TBC1D5: variants seen among roughly 807,000 people sequenced by gnomAD.
The protein encoded by TBC1D5 is TBC1 domain family member 5, also known as TBC1 domain family, member 5.
TBC1D5 carries 75 observed loss-of-function variants against 100.3 expected under a neutral mutation model. That is an observed-to-expected ratio of 0.75 (90% CI 0.62 to 0.91). The LOEUF (loss-of-function observed/expected upper bound fraction) is 0.91. TBC1D5 is among the 40% of genes least tolerant of loss of function. The pLI is 0.00. For synonymous variants in TBC1D5, 323 were observed against 325.6 expected (o/e 0.99, Z 0.09); for missense variants, 910 against 942.4 (o/e 0.97, Z 0.45).
At chr3:17,606,354 T>C (rs961875708) in intron 2 of TBC1D5, among the ~76,000 whole-genome samples, 6 of 151,978 alleles carry the variant, frequency 3.9e-5, no homozygotes, top group South Asian at 4.1e-4. Flanking sequence ...GCTGGGAGGA[T>C]TGGGAGGATT....
chr3:17,346,110 A>G (rs576709114), intron 13 of TBC1D5, among the ~76,000 whole-genome samples: 64 of 152,282 alleles, frequency 4.2e-4, no homozygotes, highest in African/African-American at 1.4e-3. Context: ...ACTATTGCCA[A>G]AAAATCTTTA....
chr3:17,645,214 C>T (rs947828680), intron 1 of TBC1D5, among the ~76,000 whole-genome samples: 1 of 152,034 alleles, frequency 6.6e-6, no homozygotes, highest in Non-Finnish European at 1.5e-5. Context: ...TTATGCAATG[C>T]TTAGGAAAAA....
intron 1 of TBC1D5, among the ~76,000 whole-genome samples, chr3:17,718,526 G>A (rs1355016576): frequency 1.3e-5 from 2 of 152,146 alleles, no homozygotes; most frequent in African/African-American, 4.8e-5. Flanking sequence ...GAACCCTGGA[G>A]GCAGAGCTTG....
chr3:17,278,502 C>T (rs947101862), intron 15 of TBC1D5, among the ~76,000 whole-genome samples: 1 of 152,018 alleles, frequency 6.6e-6, no homozygotes, highest in African/African-American at 2.4e-5. Flanking sequence ...ATGAATTAAG[C>T]TATATTTAAT....
chr3:17,503,811 T>C lies in TBC1D5; in HGVS notation c.97+4663A>G, dbSNP rs74688749. Among the ~76,000 whole-genome samples, 97 of 149,896 alleles carry C rather than the reference T, an allele frequency of 6.5e-4. 3 individuals carry two copies. The highest frequency in any genetic ancestry group is 1.2e-3 in the Non-Finnish European group (83 of 67,936). ...CTTAGAAAAGTAATAATTTATTTCC[T>C]TAGCTTTCCCTTTGCCAAGTGATTA... On this transcript the variant is annotated intron_variant, in intron 3 of 21. Transcript: ENST00000253692.
At position 17,625,577 on chromosome 3, in the gene TBC1D5, A is replaced by G. The variant is rs536914097; in HGVS notation, c.-100-1664T>C. Among the ~76,000 whole-genome samples, 4 of 152,272 alleles carry G rather than the reference A, an allele frequency of 2.6e-5. No homozygotes were observed. In the East Asian group the frequency reaches 7.7e-4, roughly 29 times the overall value. ...TTACAAGACTGAGAATACAGAAGGC[A>G]TATTTACATTCATAATGTTCCTAAC... On this transcript the variant is annotated intron_variant, in intron 1 of 21. Coordinates refer to ENST00000253692, the Ensembl canonical transcript of TBC1D5.
chr3:17,230,806 G>A (rs551964304), intron 17 of TBC1D5, among the ~76,000 whole-genome samples: 76 of 152,050 alleles, frequency 5.0e-4, no homozygotes, highest in Non-Finnish European at 8.4e-4. Flanking sequence ...TGGGAGATTG[G>A]TTTCAGGACC....
chr3:17,289,592 C>A (rs2081517154), intron 15 of TBC1D5, among the ~76,000 whole-genome samples: 1 of 151,532 alleles, frequency 6.6e-6, no homozygotes, highest in Admixed American at 6.6e-5. Flanking sequence ...CGAGACCACA[C>A]CTCTGCACTC....
At chr3:17,315,658 G>A (rs2084605409) in intron 13 of TBC1D5, among the ~76,000 whole-genome samples, 1 of 152,184 alleles carries the variant, frequency 6.6e-6, no homozygotes, top group South Asian at 2.1e-4. Flanking sequence ...AGAGATTTCA[G>A]GTTAAGGGAG....
intron 8 of TBC1D5, among the ~76,000 whole-genome samples, chr3:17,401,855 A>G (rs921696323): frequency 2.6e-5 from 4 of 152,152 alleles, no homozygotes; most frequent in Non-Finnish European, 4.4e-5. Flanking sequence ...GATTAACTAT[A>G]TACTTACTGA....
At chr3:17,386,440 AG>A (rs1257324349) in intron 8 of TBC1D5, among the ~76,000 whole-genome samples, 1 of 152,172 alleles carries the variant, frequency 6.6e-6, no homozygotes, top group Non-Finnish European at 1.5e-5. Flanking sequence ...ATACCTGTTA[AG>A]TCAACTTTAG....
intron 18 of TBC1D5, among the ~76,000 whole-genome samples, chr3:17,213,002 A>T (rs2073164647): frequency 6.6e-6 from 1 of 152,168 alleles, no homozygotes; most frequent in Non-Finnish European, 1.5e-5. Context: ...AGACCTTCAC[A>T]TTCACTCACT....
At chr3:17,665,189 G>T (rs980953225) in intron 1 of TBC1D5, among the ~76,000 whole-genome samples, 1 of 152,060 alleles carries the variant, frequency 6.6e-6, no homozygotes, top group Non-Finnish European at 1.5e-5. Context: ...TAGCCTTTAG[G>T]CTTCCTTAAT....
At chr3:17,277,352 T>C (rs2596677) in intron 15 of TBC1D5, among the ~76,000 whole-genome samples, 60,936 of 152,112 alleles carry the variant, frequency 0.4, 12,880 homozygotes, top group Middle Eastern at 0.5. Context: ...TCATTTTCTA[T>C]TTTATTACTT....
chr3:17,401,425 C>T (rs975035250), intron 8 of TBC1D5, among the ~76,000 whole-genome samples: 4 of 151,326 alleles, frequency 2.6e-5, no homozygotes, highest in African/African-American at 9.7e-5. Flanking sequence ...ATATATCTTG[C>T]ATTTTTGTAA....
chr3:17,189,463 A>T (rs1274858663), intron 18 of TBC1D5, among the ~76,000 whole-genome samples: 1 of 152,226 alleles, frequency 6.6e-6, no homozygotes, highest in East Asian at 1.9e-4. Flanking sequence ...GGTGCCCTAT[A>T]GCAAAGGACC....
intron 1 of TBC1D5, among the ~76,000 whole-genome samples, chr3:17,625,225 C>T (rs2062955653): frequency 6.6e-6 from 1 of 151,452 alleles, no homozygotes; most frequent in Admixed American, 6.6e-5. Flanking sequence ...AATATGTATG[C>T]TAAAGGGAAA....
At chr3:17,472,778 A>T (rs1418087419) in intron 3 of TBC1D5, among the ~76,000 whole-genome samples, 1 of 152,238 alleles carries the variant, frequency 6.6e-6, no homozygotes, top group Non-Finnish European at 1.5e-5. Flanking sequence ...TACAATAAAC[A>T]TCTGGGAGCA....
intron 13 of TBC1D5, among the ~76,000 whole-genome samples, chr3:17,358,830 C>T (rs1351510364): frequency 6.6e-6 from 1 of 151,888 alleles, no homozygotes; most frequent in African/African-American, 2.4e-5. Flanking sequence ...CAATTTAAGG[C>T]ATAATAAGAA....
Sources: gnomAD v4.1 joint callset for allele counts (sites outside exome capture counted in the v4.1 genomes callset) on GRCh38, gnomAD v4.1.1 for gene constraint, MANE v1.5 for transcripts, NCBI Gene and HGNC (gene_info 2026-07-23, HGNC 2026-07-21) for gene names.